CREB5: variants seen among roughly 807,000 people sequenced by gnomAD.
The protein encoded by CREB5 is cAMP responsive element binding protein 5, also known as cyclic AMP-responsive element-binding protein 5.
A neutral mutation model predicts 57.1 loss-of-function variants in CREB5; 19 were observed. The observed-to-expected ratio is 0.33, with a 90% CI of 0.23 to 0.49. The LOEUF is 0.49. Ranked by LOEUF, CREB5 falls within the 20% of genes least tolerant of loss-of-function variation. CREB5 has a pLI of 0.99. For missense variants in CREB5, 579 were observed against 671.6 expected (o/e 0.86, Z 1.52); for synonymous variants, 238 against 238.3 (o/e 1.00, Z 0.01).
At chr7:28,448,112 CA>C (rs1185476583) in intron 1 of CREB5, among the ~76,000 whole-genome samples, 1 of 152,146 alleles carries the variant, frequency 6.6e-6, no homozygotes, top group African/African-American at 2.4e-5. Flanking sequence ...GAATATAAAG[CA>C]GGCAGAAAAA....
intron 5 of CREB5, chr7:28,608,978 C>T (rs1000454879): frequency 6.6e-6 from 1 of 152,148 alleles, no homozygotes; most frequent in Non-Finnish European, 1.5e-5. Flanking sequence ...TGATCTATGA[C>T]CTGCTTGTAT....
rs972318942 is a variant in CREB5 at position 28,670,074 on chromosome 7, A to G, written c.465-48679A>G. Among the ~76,000 whole-genome samples the G allele has an allele frequency of 2.6e-5, 4 of 152,180 alleles. No homozygotes were observed. In the South Asian group the frequency reaches 8.3e-4, roughly 32 times the overall value. Reference sequence around the variant, plus strand: ...ACATGGTCTGAAAAGTGCTTGCAATAATTCTCCCTGTCTACAGGGGACACT... The same window carrying G: ...ACATGGTCTGAAAAGTGCTTGCAATGATTCTCCCTGTCTACAGGGGACACT... On this transcript the variant is annotated intron_variant, in intron 5 of 10. Transcript: ENST00000357727.
chr7:28,403,448 A>G (rs181632152), intron 1 of CREB5, among the ~76,000 whole-genome samples: 2 of 152,280 alleles, frequency 1.3e-5, no homozygotes, highest in African/African-American at 4.8e-5. Flanking sequence ...TTCAGTAACT[A>G]CTAGTGTCAG....
At chr7:28,726,599 G>A (rs1296045169) in intron 7 of CREB5, 2 of 151,912 alleles carry the variant, frequency 1.3e-5, no homozygotes, top group Admixed American at 6.5e-5. Flanking sequence ...GGGCTTTGTT[G>A]TTCTATGCCT....
intron 5 of CREB5, among the ~76,000 whole-genome samples, chr7:28,617,634 T>G (rs1040118494): frequency 1.3e-4 from 20 of 152,242 alleles, no homozygotes; most frequent in Non-Finnish European, 2.5e-4. Flanking sequence ...TTTCACCCAG[T>G]TCTTATTCAC....
chr7:28,654,126 T>C (rs1454337857), intron 5 of CREB5, among the ~76,000 whole-genome samples: 1 of 152,204 alleles, frequency 6.6e-6, no homozygotes, highest in Admixed American at 6.5e-5. Context: ...AATGAAAACA[T>C]TGATTTATAC....
At chr7:28,617,631 C>CAGTT (rs1797639648) in intron 5 of CREB5, among the ~76,000 whole-genome samples, 1 of 152,164 alleles carries the variant, frequency 6.6e-6, no homozygotes, top group South Asian at 2.1e-4. Context: ...CAGTTTCACC[C>CAGTT]AGTTCTTATT....
intron 4 of CREB5, among the ~76,000 whole-genome samples, chr7:28,544,983 A>C (rs1794361280): frequency 6.6e-6 from 1 of 152,196 alleles, no homozygotes; most frequent in African/African-American, 2.4e-5. Context: ...TGGCAGGGTC[A>C]GCCCTTCTCC....
At position 28,635,266 on chromosome 7, in the gene CREB5, G is replaced by A. The variant is rs559033404; in HGVS notation, c.464+64729G>A. ...ATTGCTCATATTTTATCCTGCAGGTGTAATACACATTTGGCTGATAGGTTT... is the reference window on the plus strand; with the variant it reads ...ATTGCTCATATTTTATCCTGCAGGTATAATACACATTTGGCTGATAGGTTT... On this transcript the variant is annotated intron_variant, in intron 5 of 10. Coordinates refer to ENST00000357727, the MANE Select transcript of CREB5 (RefSeq NM_182898.4). Among the ~76,000 whole-genome samples, 13 of 152,320 alleles carry A rather than the reference G, an allele frequency of 8.5e-5. 1 individual carries two copies. Among genetic ancestry groups the A allele is most frequent in the African/African-American group, 2.9e-4 (12 of 41,566 alleles).
intron 7 of CREB5, among the ~76,000 whole-genome samples, chr7:28,766,786 A>G (rs1446701513): frequency 1.3e-5 from 2 of 152,148 alleles, no homozygotes; most frequent in Non-Finnish European, 2.9e-5. Context: ...CACATTGGTA[A>G]ACTTTCCTGA....
intron 4 of CREB5, among the ~76,000 whole-genome samples, chr7:28,552,644 C>G (rs1242472880): frequency 6.6e-6 from 1 of 152,158 alleles, no homozygotes; most frequent in African/African-American, 2.4e-5. Context: ...GTCATGTTGT[C>G]TTATGACTTT....
chr7:28,761,116 A>G (rs1805617644), intron 7 of CREB5, among the ~76,000 whole-genome samples: 1 of 152,236 alleles, frequency 6.6e-6, no homozygotes, highest in Non-Finnish European at 1.5e-5. Flanking sequence ...ACACAACAGT[A>G]TATGATTGAC....
At chr7:28,305,566 G>C (rs1024001860) in intron 1 of CREB5, among the ~76,000 whole-genome samples, 3 of 152,132 alleles carry the variant, frequency 2.0e-5, no homozygotes. Context: ...ACAGTGAAGA[G>C]TGAGACTAAG....
intron 5 of CREB5, among the ~76,000 whole-genome samples, chr7:28,714,105 G>C (rs996978584): frequency 1.3e-5 from 2 of 151,736 alleles, no homozygotes; most frequent in African/African-American, 4.8e-5. Context: ...CAGCCTCCAA[G>C]CATCACCATG....
At chr7:28,321,295 CCTT>C (rs1162220221) in intron 1 of CREB5, among the ~76,000 whole-genome samples, 1 of 152,010 alleles carries the variant, frequency 6.6e-6, no homozygotes, top group Non-Finnish European at 1.5e-5. Flanking sequence ...TCCTCCTCGT[CCTT>C]CTTTATTAGC....
At chr7:28,724,587 C>G (rs1200953696) in intron 7 of CREB5, 3 of 439,840 alleles carry the variant, frequency 6.8e-6, no homozygotes. Flanking sequence ...TAGATCCATA[C>G]AAGTTGGGGT....
At chr7:28,738,450 C>T (rs989588061) in intron 7 of CREB5, among the ~76,000 whole-genome samples, 5 of 152,118 alleles carry the variant, frequency 3.3e-5, no homozygotes, top group Non-Finnish European at 7.3e-5. Context: ...ACAACCGTAC[C>T]CATGATAACA....
intron 1 of CREB5, among the ~76,000 whole-genome samples, chr7:28,455,513 T>G (rs1790054709): frequency 6.6e-6 from 1 of 152,226 alleles, no homozygotes; most frequent in Admixed American, 6.5e-5. Flanking sequence ...GTTTGTAAAT[T>G]AAATCCTCTA....
chr7:28,361,961 T>C (rs1786494468), intron 1 of CREB5, among the ~76,000 whole-genome samples: 1 of 152,236 alleles, frequency 6.6e-6, no homozygotes, highest in Non-Finnish European at 1.5e-5. Context: ...TTGAATCTTC[T>C]TCCTCCAGCC....
Sources: allele counts gnomAD v4.1 joint callset (sites outside exome capture counted in the v4.1 genomes callset), GRCh38; gene constraint gnomAD v4.1.1; transcripts MANE v1.5; gene names NCBI Gene and HGNC (gene_info 2026-07-23, HGNC 2026-07-21).